BLOC1S5: variants seen among roughly 807,000 people sequenced by gnomAD.
The protein encoded by BLOC1S5 is biogenesis of lysosomal organelles complex 1 subunit 5.
A neutral mutation model predicts 24.3 loss-of-function variants in BLOC1S5; 27 were observed. The observed-to-expected ratio is 1.11, with a 90% CI of 0.82 to 1.53. The LOEUF is 1.53. Among genes scored for constraint, BLOC1S5 ranks in the 40% most tolerant of loss-of-function variants. BLOC1S5 has a pLI of 0.00. For synonymous variants in BLOC1S5, 84 were observed against 74.5 expected (o/e 1.13, Z -0.66); for missense variants, 239 against 229.4 (o/e 1.04, Z -0.27).
intron 2 of BLOC1S5, among the ~76,000 whole-genome samples, chr6:8,045,106 G>A (rs1424321139): frequency 1.3e-5 from 2 of 152,158 alleles, no homozygotes; most frequent in Admixed American, 1.3e-4. Context: ...GTGGTTTGTG[G>A]GCTAGGTCCA....
At chr6:8,060,040 T>C (rs936762606) in intron 2 of BLOC1S5, among the ~76,000 whole-genome samples, 10 of 152,214 alleles carry the variant, frequency 6.6e-5, no homozygotes, top group Non-Finnish European at 1.2e-4. Context: ...CTATAAGCTG[T>C]TCTGACCTGT....
intron 2 of BLOC1S5, among the ~76,000 whole-genome samples, chr6:8,059,022 C>G (rs1764426112): frequency 6.6e-6 from 1 of 152,164 alleles, no homozygotes; most frequent in East Asian, 1.9e-4. Flanking sequence ...TGTCTAAATA[C>G]TTGTTGACCA....
chr6:8,022,657 T>C (rs1762961946), intron 4 of BLOC1S5, among the ~76,000 whole-genome samples: 1 of 132,166 alleles, frequency 7.6e-6, no homozygotes. Context: ...GGATCTCGGC[T>C]CACTGCAAGC....
chr6:8,038,629 C>T (rs7771386), intron 3 of BLOC1S5, among the ~76,000 whole-genome samples: 2,042 of 152,222 alleles, frequency 0.013, 49 homozygotes, highest in African/African-American at 0.046. Flanking sequence ...GGACTACAGG[C>T]ACCCGCCACC....
chr6:8,045,739 C>A (rs1309617923), intron 2 of BLOC1S5, among the ~76,000 whole-genome samples: 1 of 152,216 alleles, frequency 6.6e-6, no homozygotes, highest in East Asian at 1.9e-4. Context: ...TTCGGACTTG[C>A]ATGGGCACTG....
intron 2 of BLOC1S5, 97 bp from the exon 3 acceptor site, chr6:8,041,365 T>C (rs1581416917): frequency 8.2e-7 from 1 of 1,215,432 alleles, no homozygotes; most frequent in Non-Finnish European, 1.1e-6. Flanking sequence ...CAGACTGGAG[T>C]GCGGTGGTGT....
At chr6:8,040,448 AAT>A (rs1469376613) in intron 3 of BLOC1S5, among the ~76,000 whole-genome samples, 4 of 152,220 alleles carry the variant, frequency 2.6e-5, no homozygotes, top group Admixed American at 1.3e-4. Flanking sequence ...TCTCAAAATA[AAT>A]AGTTTTTTAA....
At chr6:8,035,333 A>G (rs1430869080) in intron 3 of BLOC1S5, among the ~76,000 whole-genome samples, 3 of 136,844 alleles carry the variant, frequency 2.2e-5, no homozygotes, top group African/African-American at 5.3e-5. Context: ...ATTTTCAAAA[A>G]GGAATAAAAA....
chr6:8,022,568 A>ATTTTTTTTTTTTTTTTTTTTT (rs35289860), intron 4 of BLOC1S5, among the ~76,000 whole-genome samples: 1 of 124,014 alleles, frequency 8.1e-6, no homozygotes, highest in Admixed American at 9.2e-5. Context: ...TTCAAACTCT[A>ATTTTTTTTTTTTTTTTTTTTT]TTTTTTTTTT....
At chr6:8,018,381 G>T (rs1167210838) in intron 4 of BLOC1S5, among the ~76,000 whole-genome samples, 3 of 152,182 alleles carry the variant, frequency 2.0e-5, no homozygotes, top group African/African-American at 7.2e-5. Context: ...AATAAATACA[G>T]AGAATGTTAA....
At chr6:8,045,230 C>A (rs111753213) in intron 2 of BLOC1S5, among the ~76,000 whole-genome samples, 1 of 152,212 alleles carries the variant, frequency 6.6e-6, no homozygotes, top group African/African-American at 2.4e-5. Context: ...AGGGTGGAAG[C>A]CCCAGGCTTT....
At chr6:8,048,688 T>A (rs1763988461) in intron 2 of BLOC1S5, among the ~76,000 whole-genome samples, 1 of 152,186 alleles carries the variant, frequency 6.6e-6, no homozygotes, top group East Asian at 1.9e-4. Context: ...TTCACTAGGA[T>A]GTAAAGTCAA....
In BLOC1S5 at chr6:8,025,195, C is replaced by T. The variant is rs187684158; in HGVS notation, c.384+1172G>A. Among the ~76,000 whole-genome samples the T allele has an allele frequency of 3.3e-4, 50 of 152,330 alleles. 1 individual carries two copies. In the East Asian group the frequency reaches 8.5e-3, roughly 26 times the overall value. The stretch of plus-strand genomic sequence containing the variant: ...TTATTATAGTGTTAGTGCTTTGGGA[C>T]TCCAAGACTTTTAGCTCCTTAAGTG... On this transcript the variant is annotated intron_variant, in intron 4 of 4. Coordinates refer to ENST00000397457, the MANE Select transcript of BLOC1S5 (RefSeq NM_201280.3).
chr6:8,032,947 A>G lies in BLOC1S5; in HGVS notation c.326-6522T>C, dbSNP rs1450000987. The stretch of plus-strand genomic sequence containing the variant: ...GATGTGAAGGACCTCTTCAAGGAGA[A>G]CTACAAACCACTGCTTGCCAAAATA... On this transcript the variant is annotated intron_variant, in intron 3 of 4. Coordinates refer to ENST00000397457, the MANE Select transcript of BLOC1S5 (RefSeq NM_201280.3). 4.6e-5 allele frequency among the ~76,000 whole-genome samples: 7 copies of G among 152,312 alleles called. No homozygotes were observed. In the East Asian group the frequency reaches 1.4e-3, roughly 29 times the overall value.
At chr6:8,041,971 A>T (rs1763709951) in intron 2 of BLOC1S5, 1 of 152,234 alleles carries the variant, frequency 6.6e-6, no homozygotes, top group African/African-American at 2.4e-5. Flanking sequence ...ACTTTCTAAG[A>T]TATCCACCCA....
intron 1 of BLOC1S5, among the ~76,000 whole-genome samples, chr6:8,063,919 G>A (rs1037664340): frequency 6.6e-6 from 1 of 152,222 alleles, no homozygotes; most frequent in Non-Finnish European, 1.5e-5. Flanking sequence ...CTAAGCGACT[G>A]CCTCCCGCCT....
chr6:8,045,024 T>C (rs1289618847), intron 2 of BLOC1S5, among the ~76,000 whole-genome samples: 7 of 152,218 alleles, frequency 4.6e-5, no homozygotes, highest in South Asian at 2.1e-4. Flanking sequence ...ATGGGGAAAA[T>C]GTCTCCAGAG....
intron 3 of BLOC1S5, among the ~76,000 whole-genome samples, chr6:8,030,975 T>C (rs566133308): frequency 2.0e-5 from 3 of 151,288 alleles, no homozygotes; most frequent in East Asian, 2.0e-4. Context: ...AGAAGGGACA[T>C]ACCCTAAGGT....
At chr6:8,043,208 G>A (rs903535512) in intron 2 of BLOC1S5, among the ~76,000 whole-genome samples, 2 of 152,070 alleles carry the variant, frequency 1.3e-5, no homozygotes, top group Non-Finnish European at 2.9e-5. Flanking sequence ...CCAAAATGAG[G>A]GTGGGTTATA....
Sources: gnomAD v4.1 joint callset for allele counts (sites outside exome capture counted in the v4.1 genomes callset) on GRCh38, gnomAD v4.1.1 for gene constraint, MANE v1.5 for transcripts, NCBI Gene and HGNC (gene_info 2026-07-23, HGNC 2026-07-21) for gene names.